Variants in PTPRD observed in about 807,000 individuals in gnomAD.
PTPRD encodes the protein protein tyrosine phosphatase receptor type D.
Under a neutral mutation model 214.5 loss-of-function variants are expected in PTPRD, and 34 were observed. That is an observed-to-expected ratio of 0.16 (90% CI 0.12 to 0.21). The LOEUF is 0.21. PTPRD is among the 10% of genes least tolerant of loss of function. PTPRD has a pLI of 1.00. For synonymous variants in PTPRD, 1,128 were observed against 845.7 expected, an observed-to-expected ratio of 1.33 and a Z score of -5.79; for missense variants, 2,545 against 2,398.7, an observed-to-expected ratio of 1.06 and a Z score of -1.27.
intron 12 of PTPRD, among the ~76,000 whole-genome samples, chr9:8,641,004 T>G (rs933945062): frequency 6.7e-6 from 1 of 148,252 alleles, no homozygotes; most frequent in Non-Finnish European, 1.5e-5. Flanking sequence ...CCCCAACAAA[T>G]GCTTGAGGCA....
intron 9 of PTPRD, among the ~76,000 whole-genome samples, chr9:9,274,070 T>A (rs1458570852): frequency 6.6e-6 from 1 of 151,222 alleles, no homozygotes; most frequent in Non-Finnish European, 1.5e-5. Flanking sequence ...CTTCTCTCCC[T>A]GTATACTATT....
intron 8 of PTPRD, among the ~76,000 whole-genome samples, chr9:9,489,872 T>C (rs1352825234): frequency 3.9e-5 from 6 of 152,066 alleles, no homozygotes; most frequent in Admixed American, 6.6e-5. Context: ...TTTCCAAATT[T>C]GGTAAAAGAC....
chr9:8,843,531 T>C (rs913195297), intron 11 of PTPRD, among the ~76,000 whole-genome samples: 1 of 152,196 alleles, frequency 6.6e-6, no homozygotes, highest in Non-Finnish European at 1.5e-5. Flanking sequence ...TTCTATATCA[T>C]GGCCACTAGC....
At chr9:8,457,491 T>A (rs918739797) in intron 33 of PTPRD, among the ~76,000 whole-genome samples, 2 of 152,066 alleles carry the variant, frequency 1.3e-5, no homozygotes, top group Non-Finnish European at 2.9e-5. Flanking sequence ...ATTATAGGTA[T>A]ACAGATTACT....
At chr9:10,540,741 C>T (rs1450284733) in intron 2 of PTPRD, among the ~76,000 whole-genome samples, 9 of 152,184 alleles carry the variant, frequency 5.9e-5, no homozygotes, top group African/African-American at 2.2e-4. Context: ...AAGTATACAA[C>T]TCTCAAGGCT....
intron 5 of PTPRD, among the ~76,000 whole-genome samples, chr9:9,855,635 G>T (rs770385095): frequency 1.6e-4 from 25 of 152,176 alleles, no homozygotes; most frequent in Non-Finnish European, 3.2e-4. Flanking sequence ...GAGTGCAGAA[G>T]CACTGGAACC....
chr9:8,462,076 CT>C (rs2134247952), intron 32 of PTPRD, among the ~76,000 whole-genome samples: 1 of 152,120 alleles, frequency 6.6e-6, no homozygotes, highest in Admixed American at 6.6e-5. Context: ...TGTTCCTAAA[CT>C]CAGATACTCT....
At chr9:10,465,667 A>G (rs2098988590) in intron 2 of PTPRD, among the ~76,000 whole-genome samples, 1 of 152,196 alleles carries the variant, frequency 6.6e-6, no homozygotes, top group East Asian at 1.9e-4. Flanking sequence ...CTGTGCTACA[A>G]TTCCCTACAG....
At chr9:9,379,373 T>C (rs545692076) in intron 9 of PTPRD, among the ~76,000 whole-genome samples, 30 of 151,908 alleles carry the variant, frequency 2.0e-4, no homozygotes, top group African/African-American at 7.0e-4. Context: ...TTCTGGGCTC[T>C]CTATTCCATA....
chr9:9,155,137 T>C (rs1014842526), intron 10 of PTPRD, among the ~76,000 whole-genome samples: 7 of 152,184 alleles, frequency 4.6e-5, no homozygotes, highest in African/African-American at 1.7e-4. Flanking sequence ...CCTTAGTATA[T>C]AGGCCTGCTC....
At chr9:8,406,280 C>T (rs1241120196) in intron 35 of PTPRD, among the ~76,000 whole-genome samples, 1 of 152,152 alleles carries the variant, frequency 6.6e-6, no homozygotes, top group African/African-American at 2.4e-5. Context: ...GCCTTCAAGT[C>T]AACCTTGAAC....
At chr9:8,454,534 T>C (rs1338937749) in intron 33 of PTPRD, 2 of 1,607,260 alleles carry the variant, frequency 1.2e-6, no homozygotes, top group Non-Finnish European at 1.7e-6. Flanking sequence ...TACCAGTTTA[T>C]TTTTTTCTTA....
chr9:9,694,712 C>G (rs1308965392), intron 7 of PTPRD, among the ~76,000 whole-genome samples: 1 of 152,164 alleles, frequency 6.6e-6, no homozygotes, highest in Non-Finnish European at 1.5e-5. Context: ...CTTCCCTTCA[C>G]TTACCAAAGG....
intron 9 of PTPRD, among the ~76,000 whole-genome samples, chr9:9,247,064 T>G (rs1163577118): frequency 6.6e-6 from 1 of 151,950 alleles, no homozygotes; most frequent in Admixed American, 6.6e-5. Flanking sequence ...AAATTCCTTT[T>G]CCCCAAAGCA....
At chr9:8,854,990 A>G (rs1033665755) in intron 11 of PTPRD, among the ~76,000 whole-genome samples, 4 of 152,190 alleles carry the variant, frequency 2.6e-5, no homozygotes, top group African/African-American at 9.7e-5. Flanking sequence ...TTCACACTCT[A>G]TATGGAAAAT....
At chr9:9,840,617 G>A (rs1016656876) in intron 5 of PTPRD, among the ~76,000 whole-genome samples, 3 of 151,828 alleles carry the variant, frequency 2.0e-5, no homozygotes, top group African/African-American at 7.3e-5. Context: ...AAGGGAATTA[G>A]CTGGGCGTGG....
chr9:10,600,072 G>A (rs904508325), intron 2 of PTPRD, among the ~76,000 whole-genome samples: 2 of 151,716 alleles, frequency 1.3e-5, no homozygotes, highest in Non-Finnish European at 2.9e-5. Flanking sequence ...TACAGAGATG[G>A]AGGTTGTAAT....
chr9:8,355,702 T>C (rs1355238852), intron 39 of PTPRD, among the ~76,000 whole-genome samples: 1 of 152,204 alleles, frequency 6.6e-6, no homozygotes. Context: ...ACCCCAGGCA[T>C]ATATACATTA....
intron 5 of PTPRD, among the ~76,000 whole-genome samples, chr9:9,821,655 T>C (rs2050774789): frequency 6.6e-6 from 1 of 152,098 alleles, no homozygotes; most frequent in African/African-American, 2.4e-5. Flanking sequence ...CCACACGTAT[T>C]TTTAAGCATT....
Sources: allele counts gnomAD v4.1 joint callset (sites outside exome capture counted in the v4.1 genomes callset), GRCh38; gene constraint gnomAD v4.1.1; transcripts MANE v1.5; gene names NCBI Gene and HGNC (gene_info 2026-07-23, HGNC 2026-07-21).